The following IGSF10 variants were observed in gnomAD, a reference collection of about 807,000 sequenced individuals.
IGSF10 encodes immunoglobulin superfamily member 10, also known as calvaria mechanical force protein 608.
A neutral mutation model predicts 128.2 loss-of-function variants in IGSF10; 126 were observed. The observed-to-expected ratio is 0.98, with a 90% CI of 0.85 to 1.14. The LOEUF (loss-of-function observed/expected upper bound fraction) is 1.14, where lower values mean the gene tolerates loss of function less well. Ranked by LOEUF, IGSF10 falls within the 50% of genes most tolerant of loss-of-function variation. IGSF10 has a pLI of 0.00. For missense variants in IGSF10, 3,295 were observed against 3,149.8 expected, an observed-to-expected ratio of 1.05 and a Z score of -1.10; for synonymous variants, 1,185 against 1,146.2, an observed-to-expected ratio of 1.03 and a Z score of -0.68.
At chr3:151,482,927 G>A in the IGSF10 span, among the ~76,000 whole-genome samples, 1 of 151,380 alleles carries the variant, frequency 6.6e-6, no homozygotes, top group African/African-American at 2.4e-5. Flanking sequence ...TTAAAGCCCT[G>A]CTGGCCAAGA....
the IGSF10 span, among the ~76,000 whole-genome samples, chr3:151,609,893 A>C: frequency 3.3e-5 from 5 of 151,910 alleles, no homozygotes; most frequent in Non-Finnish European, 7.4e-5. Context: ...TACTATGCTC[A>C]TTACCTGGGT....
the IGSF10 span, among the ~76,000 whole-genome samples, chr3:151,521,889 A>T: frequency 1.3e-5 from 2 of 152,064 alleles, no homozygotes; most frequent in South Asian, 4.1e-4. Context: ...GAGATACAAA[A>T]AACCATTCAA....
chr3:151,473,195 G>A, the IGSF10 span, among the ~76,000 whole-genome samples: 1 of 152,182 alleles, frequency 6.6e-6, no homozygotes, highest in Non-Finnish European at 1.5e-5. Flanking sequence ...ACCATAATCA[G>A]TTGATGGCTT....
At chr3:151,538,116 T>C in the IGSF10 span, among the ~76,000 whole-genome samples, 1 of 152,178 alleles carries the variant, frequency 6.6e-6, no homozygotes, top group East Asian at 1.9e-4. Flanking sequence ...TAGTTAAGGG[T>C]CTTCAGAAGG....
the IGSF10 span, among the ~76,000 whole-genome samples, chr3:151,514,633 A>G: frequency 2.6e-5 from 4 of 152,028 alleles, no homozygotes; most frequent in African/African-American, 4.8e-5. Context: ...TAATCAAACT[A>G]AAGAGCTTCT....
At position 151,437,512 on chromosome 3, in the gene IGSF10, T is replaced by C. The variant is rs1720448854; in HGVS notation, c.7049A>G (p.Gln2350Arg). The C allele has an allele frequency of 6.2e-7, 1 of 1,614,104 alleles. No homozygotes were observed. Residue 2350 changes from glutamine (Q) to arginine (R), a missense_variant, in exon 8 of 8, where the codon CAG (glutamine) becomes CGG (arginine). By Grantham distance (43) the Gln-to-Arg change is conservative. Coordinates refer to ENST00000282466, the MANE Select transcript of IGSF10 (RefSeq NM_178822.5). Reference sequence around the variant, plus strand: ...ATTCAATGCTGTGGACTTTCCCAGCTGGGCAACTATTTTTTCATTAAATGG... The same window carrying C: ...ATTCAATGCTGTGGACTTTCCCAGCCGGGCAACTATTTTTTCATTAAATGG... ...RNPFNEKIVA[Q>R]LGKSTALNCS... is the part of the protein sequence containing the mutation.
At position 151,447,358 on chromosome 3, in the gene IGSF10, T is replaced by C. The variant is rs1224780053; in HGVS notation, c.2623A>G (p.Asn875Asp). 1.9e-6 allele frequency: 3 copies of C among 1,614,054 alleles called. No individual in the cohort carries two copies. The highest frequency in any genetic ancestry group is 2.7e-5 in the African/African-American group (2 of 74,918). ...TGTATTTGGCTTGACATGGTTGGGT[T>C]TATATTCTTTGACATGGCTGTAGTT... ...IKTTAMSKNI[N>D]PTMSSQIQGT... The change falls in exon 6 of 8, where the codon AAC (asparagine) becomes GAC (aspartate). Residue 875 changes from asparagine (N) to aspartate (D), a missense_variant. Physicochemically the swap from Asn to Asp is conservative, Grantham distance 23. Coordinates refer to ENST00000282466, the MANE Select transcript of IGSF10 (RefSeq NM_178822.5).
At chr3:151,457,216 A>G in intron 3 of IGSF10, 61 bp from the exon 4 acceptor site, 3 of 1,504,538 alleles carry the variant, frequency 2.0e-6, no homozygotes, top group East Asian at 2.3e-5. Flanking sequence ...TTCAAATGTC[A>G]TAACCAAAAT....
At chr3:151,462,685 A>G (rs902713111), upstream of IGSF10, among the ~76,000 whole-genome samples, 1 of 152,198 alleles carries the variant, frequency 6.6e-6, no homozygotes, top group African/African-American at 2.4e-5. Context: ...CTAAACATGG[A>G]TAATGTGCCA....
At chr3:151,579,602 G>GA in the IGSF10 span, among the ~76,000 whole-genome samples, 477 of 144,344 alleles carry the variant, frequency 3.3e-3, 1 homozygote, top group Middle Eastern at 0.025. Context: ...AAAAAGTAAA[G>GA]AAAAAAAAAA....
At chr3:151,593,408 G>A in the IGSF10 span, among the ~76,000 whole-genome samples, 1 of 152,076 alleles carries the variant, frequency 6.6e-6, no homozygotes, top group Non-Finnish European at 1.5e-5. Flanking sequence ...CACCATGCCT[G>A]GCTTCTAATT....
In IGSF10 at chr3:151,445,448, G is replaced by C; in HGVS notation, c.4533C>G (p.His1511Gln). Residue 1511 changes from histidine (H) to glutamine (Q), a missense_variant, in exon 6 of 8, where the codon CAC becomes CAG. His to Gln is a conservative substitution (Grantham distance 24). Transcript: ENST00000282466. ...TVVKLHESSRHNAKPQQLVAE... is the reference protein window; with the variant it reads ...TVVKLHESSRQNAKPQQLVAE... ...CTACTAATTGCTGTGGTTTAGCATTGTGCCTTGAGGATTCGTGCAGCTTGA... is the reference window on the plus strand; with the variant it reads ...CTACTAATTGCTGTGGTTTAGCATTCTGCCTTGAGGATTCGTGCAGCTTGA... The C allele has an allele frequency of 6.2e-7, 1 of 1,614,188 alleles. No homozygotes were observed. The highest frequency in any genetic ancestry group is 1.7e-5 in the Admixed American group (1 of 60,026).
chr3:151,535,724 T>TGCA, the IGSF10 span, among the ~76,000 whole-genome samples: 1 of 152,200 alleles, frequency 6.6e-6, no homozygotes, highest in African/African-American at 2.4e-5. Context: ...ATCTTTCAAT[T>TGCA]CTAATTATTT....
At chr3:151,481,015 G>C in the IGSF10 span, among the ~76,000 whole-genome samples, 5,954 of 152,182 alleles carry the variant, frequency 0.039, 374 homozygotes, top group African/African-American at 0.14. Context: ...CCAAAGCTGA[G>C]GGCGGCAGCA....
chr3:151,538,236 C>T, the IGSF10 span, among the ~76,000 whole-genome samples: 1 of 152,140 alleles, frequency 6.6e-6, no homozygotes, highest in Non-Finnish European at 1.5e-5. Context: ...ACTCCTGGGA[C>T]CACCATAACA....
chr3:151,572,988 C>G, the IGSF10 span, among the ~76,000 whole-genome samples: 3 of 152,126 alleles, frequency 2.0e-5, no homozygotes, highest in Non-Finnish European at 4.4e-5. Context: ...ATTATTTACC[C>G]AGTAAATAAT....
At chr3:151,452,854 C>T (rs75424821) in intron 5 of IGSF10, among the ~76,000 whole-genome samples, 17 of 151,964 alleles carry the variant, frequency 1.1e-4, no homozygotes, top group African/African-American at 3.9e-4. Context: ...CTTCTCAGAA[C>T]GGCTGAGCAG....
the IGSF10 span, among the ~76,000 whole-genome samples, chr3:151,524,860 G>C: frequency 2.9e-4 from 44 of 151,898 alleles, no homozygotes; most frequent in African/African-American, 9.9e-4. Flanking sequence ...CAACTGAGTG[G>C]ATTTTGATTT....
chr3:151,580,818 C>T, the IGSF10 span, among the ~76,000 whole-genome samples: 1 of 152,132 alleles, frequency 6.6e-6, no homozygotes, highest in Non-Finnish European at 1.5e-5. Context: ...CTAAATTGCC[C>T]AACTTGATTC....
Sources: allele counts gnomAD v4.1 joint callset (sites outside exome capture counted in the v4.1 genomes callset), GRCh38; gene constraint gnomAD v4.1.1; transcripts MANE v1.5; gene names NCBI Gene and HGNC (gene_info 2026-07-23, HGNC 2026-07-21).